VPS13A: variants seen among roughly 807,000 people sequenced by gnomAD.
VPS13A encodes the protein vacuolar protein sorting 13 homolog A.
VPS13A carries 264 observed loss-of-function variants against 390.9 expected under a neutral mutation model. The ratio of observed to expected loss-of-function variants is 0.68; its 90% CI spans 0.61 to 0.75. The LOEUF (loss-of-function observed/expected upper bound fraction) is 0.75, where lower values mean the gene tolerates loss of function less well. Ranked by LOEUF, VPS13A falls within the 30% of genes least tolerant of loss-of-function variation. The pLI, the probability that VPS13A is intolerant of heterozygous loss-of-function variation, is 0.00. For synonymous variants in VPS13A, 1,231 were observed against 1,227.1 expected (o/e 1.00, Z -0.07); for missense variants, 3,409 against 3,733.9 (o/e 0.91, Z 2.27).
In VPS13A at chr9:77,214,364, T is replaced by G; in HGVS notation, c.732T>G (p.Ile244Met). ...AGAATGGCATTGTCAATGAAAATAT[T>G]GTTCCAGAAGGTTATGATTTTGGTA... ...DLKNGIVNENIVPEGYDFVFR... is the reference protein window; with the variant it reads ...DLKNGIVNENMVPEGYDFVFR... The change falls in exon 10 of 72, where the codon ATT becomes ATG. Residue 244 changes from isoleucine (I) to methionine (M), a missense_variant. Transcript: ENST00000360280. 1 of 1,613,194 alleles carries G rather than the reference T, an allele frequency of 6.2e-7. No individual in the cohort carries two copies. Among genetic ancestry groups the G allele is most frequent in the South Asian group, 1.1e-5 (1 of 91,072 alleles).
At chr9:77,247,422 G>A in intron 20 of VPS13A, 27 bp downstream of exon 20, 1 of 1,578,426 alleles carries the variant, frequency 6.3e-7, no homozygotes, top group Non-Finnish European at 8.6e-7. Flanking sequence ...TTTGATTTAT[G>A]ATACAGCATT....
intron 62 of VPS13A, 60 bp from the exon 63 acceptor site, chr9:77,369,239 T>G: frequency 7.6e-7 from 1 of 1,314,298 alleles, no homozygotes; most frequent in East Asian, 2.3e-5. Context: ...TTTTAAATAA[T>G]GTATAAGAAA....
At chr9:77,200,594 C>T (rs1458290940) in intron 2 of VPS13A, among the ~76,000 whole-genome samples, 2 of 152,002 alleles carry the variant, frequency 1.3e-5, no homozygotes, top group African/African-American at 4.8e-5. Flanking sequence ...CATGCTGTGT[C>T]ACCCCAGGCT....
intron 1 of VPS13A, among the ~76,000 whole-genome samples, chr9:77,185,234 C>T (rs1198300022): frequency 2.6e-5 from 4 of 152,184 alleles, no homozygotes; most frequent in South Asian, 2.1e-4. Context: ...CTCCGCCTCC[C>T]GGGTTCAAGT....
chr9:77,315,034 T>A (rs952595008), intron 37 of VPS13A, among the ~76,000 whole-genome samples: 1 of 152,180 alleles, frequency 6.6e-6, no homozygotes, highest in African/African-American at 2.4e-5. Flanking sequence ...CAAACTCTTA[T>A]AATTTATTGA....
chr9:77,392,714 C>CTA (rs549127165), intron 68 of VPS13A, among the ~76,000 whole-genome samples: 1 of 150,508 alleles, frequency 6.6e-6, no homozygotes, highest in Non-Finnish European at 1.5e-5. Context: ...CGTTAAAAAA[C>CTA]TATATATACA....
At chr9:77,319,722 A>G in intron 42 of VPS13A, 49 bp downstream of exon 42, 2 of 1,049,088 alleles carry the variant, frequency 1.9e-6, no homozygotes, top group Admixed American at 2.7e-5. Context: ...ATGTATTTTA[A>G]AAGACTTTAT....
Position 77,359,370 on chromosome 9 carries a change from A to G in VPS13A, c.8073A>G (p.Arg2691=). ...TTACAGATGTCAGTATTGTCATGAG[A>G]TCTGCAGGACATTCCCAGATATCAC... ...KPFTDVSIVM[R]SAGHSQISRI... is the part of the protein sequence containing the mutation. Residue 2691 remains arginine, a synonymous_variant, in exon 58 of 72, where the codon AGA becomes AGG. Transcript: ENST00000360280. 2 of 1,613,566 alleles carry G rather than the reference A, an allele frequency of 1.2e-6. No individual in the cohort carries two copies. Among genetic ancestry groups the G allele is most frequent in the South Asian group, 1.1e-5 (1 of 91,032 alleles).
At chr9:77,286,524 T>A (rs1827335269) in intron 31 of VPS13A, among the ~76,000 whole-genome samples, 1 of 152,248 alleles carries the variant, frequency 6.6e-6, no homozygotes, top group Non-Finnish European at 1.5e-5. Context: ...GATTTTAAAT[T>A]CTTGCCTTGA....
chr9:77,203,728 C>T (rs1286691617), intron 3 of VPS13A, among the ~76,000 whole-genome samples: 1 of 152,086 alleles, frequency 6.6e-6, no homozygotes, highest in African/African-American at 2.4e-5. Context: ...GTATTTTAAG[C>T]AGTCTGTTGG....
chr9:77,200,222 C>A (rs1181832613), intron 2 of VPS13A, among the ~76,000 whole-genome samples: 2 of 152,096 alleles, frequency 1.3e-5, no homozygotes, highest in South Asian at 2.1e-4. Context: ...CATGGTGGCT[C>A]ATGCCTGTAA....
At chr9:77,237,426 A>T (rs1424564700) in intron 17 of VPS13A, among the ~76,000 whole-genome samples, 3 of 151,596 alleles carry the variant, frequency 2.0e-5, no homozygotes, top group African/African-American at 7.3e-5. Context: ...GGGCAGTGGC[A>T]TGATCTCGGC....
chr9:77,336,987 C>T (rs1010053839), intron 46 of VPS13A, among the ~76,000 whole-genome samples: 11 of 151,488 alleles, frequency 7.3e-5, no homozygotes, highest in African/African-American at 2.7e-4. Context: ...TTAGTAGAGA[C>T]GGGGTTTCAC....
At chr9:77,268,939 C>CAAA (rs34989883) in intron 23 of VPS13A, among the ~76,000 whole-genome samples, 7 of 104,570 alleles carry the variant, frequency 6.7e-5, no homozygotes, top group African/African-American at 2.1e-4. Flanking sequence ...TACTCCATCT[C>CAAA]AAAAAAAAAA....
intron 71 of VPS13A, among the ~76,000 whole-genome samples, chr9:77,411,660 CAAAAAAAAAAAA>C (rs1169254413): frequency 8.8e-5 from 3 of 33,932 alleles, no homozygotes; most frequent in Non-Finnish European, 1.5e-4. Context: ...AACTCCATCT[CAAAAAAAAAAAA>C]AAAAAAAAAA....
At chr9:77,351,191 C>G (rs111590964) in intron 52 of VPS13A, 126 bp from the exon 53 acceptor site, 2 of 1,287,498 alleles carry the variant, frequency 1.6e-6, no homozygotes, top group East Asian at 5.1e-5. Flanking sequence ...GAATTTCAGC[C>G]TTGTTTTAAT....
At chr9:77,283,930 G>A (rs921718845) in intron 31 of VPS13A, among the ~76,000 whole-genome samples, 2 of 149,252 alleles carry the variant, frequency 1.3e-5, no homozygotes, top group Non-Finnish European at 3.0e-5. Flanking sequence ...CAGGAACAAA[G>A]TTTTGGGAGA....
In VPS13A at chr9:77,416,170, C is replaced by G. The variant is rs1365713708; in HGVS notation, c.*164C>G. Reference sequence around the variant, plus strand: ...AAAAAACAAAAACAAAAAAACAAAACCAGAATCAGGTAAAACAGCTATGTG... The same window carrying G: ...AAAAAACAAAAACAAAAAAACAAAAGCAGAATCAGGTAAAACAGCTATGTG... On this transcript the variant is annotated 3_prime_UTR_variant, in exon 72 of 72. Coordinates refer to ENST00000360280, the MANE Select transcript of VPS13A (RefSeq NM_033305.3). The G allele has an allele frequency of 2.5e-5, 20 of 787,248 alleles. No individual in the cohort carries two copies. Among genetic ancestry groups the G allele is most frequent in the Non-Finnish European group, 3.9e-5 (19 of 481,884 alleles). The allele number at this position is 787,248 out of a possible 1,614,324, so 48.8% of individuals were successfully genotyped here.
At position 77,282,270 on chromosome 9, in the gene VPS13A, A is replaced by G. The variant is rs1054332077; in HGVS notation, c.3114A>G (p.Lys1038=). The G allele has an allele frequency of 5.0e-6, 8 of 1,612,020 alleles. No individual in the cohort carries two copies. Among genetic ancestry groups the G allele is most frequent in the Middle Eastern group, 3.4e-4 (2 of 5,836 alleles). ...ETEDKGDVIK[K]LALKLSTNED... is the part of the protein sequence containing the mutation. Reference sequence around the variant, plus strand: ...AAGACAAAGGAGATGTCATTAAAAAATTAGGTATGTTTTTTAAAAATTTAG... The same window carrying G: ...AAGACAAAGGAGATGTCATTAAAAAGTTAGGTATGTTTTTTAAAAATTTAG... Residue 1038 remains lysine (K), a synonymous_variant, in exon 29 of 72, where the codon AAA becomes AAG. Coordinates refer to ENST00000360280, the MANE Select transcript of VPS13A (RefSeq NM_033305.3).
Sources: allele counts gnomAD v4.1 joint callset (sites outside exome capture counted in the v4.1 genomes callset), GRCh38; gene constraint gnomAD v4.1.1; transcripts MANE v1.5; gene names NCBI Gene and HGNC (gene_info 2026-07-23, HGNC 2026-07-21).